PPARGC1A: variants seen among roughly 807,000 people sequenced by gnomAD.
PPARGC1A encodes peroxisome proliferator-activated receptor gamma coactivator 1-alpha.
PPARGC1A carries 25 observed loss-of-function variants against 88.7 expected under a neutral mutation model. The ratio of observed to expected loss-of-function variants is 0.28; its 90% CI spans 0.21 to 0.39. PPARGC1A has a LOEUF of 0.39. Among genes scored for constraint, PPARGC1A ranks in the 10% least tolerant of loss-of-function variants. PPARGC1A has a pLI of 1.00. For synonymous variants in PPARGC1A, 363 were observed against 355.6 expected, an observed-to-expected ratio of 1.02 and a Z score of -0.24; for missense variants, 880 against 968.7, an observed-to-expected ratio of 0.91 and a Z score of 1.22.
chr4:24,101,169 C>A, the PPARGC1A span, among the ~76,000 whole-genome samples: 1 of 152,172 alleles, frequency 6.6e-6, no homozygotes, highest in Non-Finnish European at 1.5e-5. Context: ...TGGATTAGCA[C>A]CATCCCCCTA....
chr4:24,132,337 C>T, the PPARGC1A span, among the ~76,000 whole-genome samples: 1 of 149,242 alleles, frequency 6.7e-6, no homozygotes, highest in Non-Finnish European at 1.5e-5. Context: ...TATCAACCCT[C>T]TTTCTGTTTT....
the PPARGC1A span, among the ~76,000 whole-genome samples, chr4:24,027,313 A>T: frequency 6.1e-4 from 92 of 152,002 alleles, no homozygotes; most frequent in East Asian, 0.016. Flanking sequence ...ATAGAACCAG[A>T]CTGCCTGCAT....
chr4:24,436,761 A>C, the PPARGC1A span, among the ~76,000 whole-genome samples: 7 of 108,696 alleles, frequency 6.4e-5, no homozygotes, highest in African/African-American at 2.5e-4. Context: ...GCTGACATCG[A>C]TTGGCCACCC....
the PPARGC1A span, among the ~76,000 whole-genome samples, chr4:24,299,961 TTTTG>T: frequency 1.3e-3 from 198 of 152,308 alleles, no homozygotes; most frequent in Middle Eastern, 6.8e-3. Flanking sequence ...TCACATGGGT[TTTTG>T]TTTGTGATGT....
rs11290186 is a variant in PPARGC1A, at chr4:23,814,619, TAA to T, written c.878-16_878-15del. 0.13 allele frequency: 149,653 copies of T among 1,128,944 alleles called. 10 individuals are homozygous for T. Among genetic ancestry groups the T allele is most frequent in the Non-Finnish European group, 0.14 (118,719 of 854,038 alleles). 69.9% of individuals were successfully genotyped at this position (1,128,944 alleles called of 1,614,324 possible). ...GTGGAGTTAGGCCTAAGGCAAAAAT[TAA>T]AAAAAAAAAAAAAAAGAGAGAGAAA... On this transcript the variant is annotated splice_polypyrimidine_tract_variant and intron_variant, in intron 7 of 12. Transcript: ENST00000264867.
At chr4:24,326,327 C>T in the PPARGC1A span, among the ~76,000 whole-genome samples, 3 of 152,134 alleles carry the variant, frequency 2.0e-5, no homozygotes, top group East Asian at 3.9e-4. Flanking sequence ...ACCAGACAAG[C>T]CTTACAAGTT....
At chr4:23,976,051 G>A in the PPARGC1A span, among the ~76,000 whole-genome samples, 1 of 152,288 alleles carries the variant, frequency 6.6e-6, no homozygotes, top group South Asian at 2.1e-4. Flanking sequence ...TCCTTTATCA[G>A]CCAGCTATTG....
the PPARGC1A span, among the ~76,000 whole-genome samples, chr4:23,985,616 T>G: frequency 1.1e-3 from 5 of 4,578 alleles, 1 homozygote; most frequent in African/African-American, 4.2e-3. Context: ...GACCAATTAC[T>G]TATCTAAACG....
At chr4:24,177,883 G>A in the PPARGC1A span, among the ~76,000 whole-genome samples, 1 of 152,066 alleles carries the variant, frequency 6.6e-6, no homozygotes, top group Non-Finnish European at 1.5e-5. Flanking sequence ...TGGAATGAGT[G>A]AGCCACTACT....
chr4:24,336,568 A>G, the PPARGC1A span, among the ~76,000 whole-genome samples: 4 of 152,226 alleles, frequency 2.6e-5, no homozygotes, highest in African/African-American at 9.7e-5. Flanking sequence ...TTGTTCATAT[A>G]TATCACTAAT....
intron 10 of PPARGC1A, among the ~76,000 whole-genome samples, chr4:23,803,639 G>T (rs542693898): frequency 5.8e-4 from 89 of 152,242 alleles, no homozygotes; most frequent in Non-Finnish European, 1.1e-3. Flanking sequence ...GTCTCTCAAA[G>T]TTTTAAGAAC....
chr4:24,138,230 A>C, the PPARGC1A span, among the ~76,000 whole-genome samples: 1 of 152,060 alleles, frequency 6.6e-6, no homozygotes, highest in Non-Finnish European at 1.5e-5. Flanking sequence ...CCCCCCTTTT[A>C]ATTCCCCCTG....
the PPARGC1A span, among the ~76,000 whole-genome samples, chr4:24,265,689 A>G: frequency 0.013 from 2,039 of 152,226 alleles, 56 homozygotes; most frequent in East Asian, 0.13. Flanking sequence ...GCTGCTTTCC[A>G]TGAAGACCTT....
At chr4:24,150,141 AAT>A in the PPARGC1A span, among the ~76,000 whole-genome samples, 2 of 152,178 alleles carry the variant, frequency 1.3e-5, no homozygotes, top group Non-Finnish European at 2.9e-5. Flanking sequence ...AAGGTGAGAG[AAT>A]CTTATTTCAT....
chr4:24,204,200 AG>A, the PPARGC1A span, among the ~76,000 whole-genome samples: 1 of 152,202 alleles, frequency 6.6e-6, no homozygotes, highest in African/African-American at 2.4e-5. Context: ...TAAAGAGTTA[AG>A]GGGCCTACAA....
chr4:24,442,031 G>T, the PPARGC1A span, among the ~76,000 whole-genome samples: 1 of 152,030 alleles, frequency 6.6e-6, no homozygotes. Flanking sequence ...TTTTCTCCTT[G>T]GTCGTGTTTC....
the PPARGC1A span, among the ~76,000 whole-genome samples, chr4:24,300,486 A>G: frequency 6.6e-6 from 1 of 151,710 alleles, no homozygotes; most frequent in East Asian, 1.9e-4. Flanking sequence ...TATGTTAGAC[A>G]CTCAGGTAGA....
At chr4:24,260,609 T>C in the PPARGC1A span, among the ~76,000 whole-genome samples, 20 of 152,232 alleles carry the variant, frequency 1.3e-4, no homozygotes, top group East Asian at 3.9e-3. Flanking sequence ...TAAGTTATGG[T>C]GTTAATTCTG....
chr4:24,231,887 G>T, the PPARGC1A span, among the ~76,000 whole-genome samples: 1 of 151,976 alleles, frequency 6.6e-6, no homozygotes, highest in African/African-American at 2.4e-5. Flanking sequence ...TTTTCCAGGG[G>T]AAAAAAGTAA....
Sources: allele counts gnomAD v4.1 joint callset (sites outside exome capture counted in the v4.1 genomes callset), GRCh38; gene constraint gnomAD v4.1.1; transcripts MANE v1.5; gene names NCBI Gene and HGNC (gene_info 2026-07-23, HGNC 2026-07-21).